The following ST18 variants were observed in gnomAD, a reference collection of about 807,000 sequenced individuals.
The protein encoded by ST18 is ST18 C2H2C-type zinc finger transcription factor, also known as suppression of tumorigenicity 18 protein.
A neutral mutation model predicts 110.0 loss-of-function variants in ST18; 50 were observed. That is an observed-to-expected ratio of 0.45 (90% CI 0.36 to 0.58). The LOEUF (loss-of-function observed/expected upper bound fraction) is 0.58, where lower values mean the gene tolerates loss of function less well. Ranked by LOEUF, ST18 falls within the 20% of genes least tolerant of loss-of-function variation. ST18 has a pLI of 0.00. For missense variants in ST18, 1,306 were observed against 1,280.1 expected (o/e 1.02, Z -0.31); for synonymous variants, 461 against 452.4 (o/e 1.02, Z -0.24).
intron 21 of ST18, 30 bp downstream of exon 21, chr8:52,133,027 T>C: frequency 6.2e-7 from 1 of 1,611,526 alleles, no homozygotes; most frequent in Non-Finnish European, 8.5e-7. Context: ...AAGAGACAGC[T>C]GACCCCCATG....
chr8:52,342,348 T>A (rs1815470921), intron 2 of ST18, among the ~76,000 whole-genome samples: 1 of 142,428 alleles, frequency 7.0e-6, no homozygotes, highest in Non-Finnish European at 1.5e-5. Flanking sequence ...GACTCTACGA[T>A]CTTATATATG....
At chr8:52,242,655 CAACAT>C (rs1194935189) in intron 2 of ST18, among the ~76,000 whole-genome samples, 2 of 152,038 alleles carry the variant, frequency 1.3e-5, no homozygotes, top group Non-Finnish European at 2.9e-5. Context: ...CCTGCCTGGC[CAACAT>C]GGCGAAAACC....
intron 25 of ST18, among the ~76,000 whole-genome samples, 173 bp downstream of exon 25, chr8:52,116,102 T>C (rs1027884552): frequency 6.6e-6 from 1 of 152,192 alleles, no homozygotes; most frequent in Non-Finnish European, 1.5e-5. Context: ...TAAATGTATC[T>C]ACCATGTTCC....
At chr8:52,354,538 G>C (rs1346909668) in intron 2 of ST18, among the ~76,000 whole-genome samples, 1 of 152,186 alleles carries the variant, frequency 6.6e-6, no homozygotes, top group Non-Finnish European at 1.5e-5. Context: ...GCTTCAGCAG[G>C]CAGGGGATAC....
chr8:52,268,447 A>G (rs1048930063), intron 2 of ST18, among the ~76,000 whole-genome samples: 2 of 151,928 alleles, frequency 1.3e-5, no homozygotes, highest in Non-Finnish European at 2.9e-5. Flanking sequence ...CTGTCTATCT[A>G]TCTATCGTCT....
intron 2 of ST18, among the ~76,000 whole-genome samples, chr8:52,371,124 G>C (rs7005615): frequency 0.037 from 5,558 of 152,232 alleles, 307 homozygotes; most frequent in African/African-American, 0.13. Flanking sequence ...ACTTGAACCT[G>C]TGCAATTCAC....
rs1291243133 is a variant in ST18 at position 52,221,678 on chromosome 8, C to T, written c.-303G>A. 6.6e-6 allele frequency: 1 copy of T among 152,178 alleles called. No individual in the cohort carries two copies. The highest frequency in any genetic ancestry group is 2.4e-5 in the African/African-American group (1 of 41,426). The allele number at this position is 152,178 out of a possible 1,614,324, so 9.4% of individuals were successfully genotyped here. ...AATTTCTACCGTCCTGCCTTCTCTACCCTTTGCAGTATATCAAAGTGCTCA... is the reference window on the plus strand; with the variant it reads ...AATTTCTACCGTCCTGCCTTCTCTATCCTTTGCAGTATATCAAAGTGCTCA... On this transcript the variant is annotated 5_prime_UTR_variant, in exon 4 of 26. Transcript: ENST00000689386.
chr8:52,374,850 A>G (rs566256682), intron 2 of ST18, among the ~76,000 whole-genome samples: 1 of 152,350 alleles, frequency 6.6e-6, no homozygotes, highest in South Asian at 2.1e-4. Context: ...ATATCCCTGC[A>G]AAGGACATGA....
intron 10 of ST18, among the ~76,000 whole-genome samples, chr8:52,167,706 G>T (rs1207690517): frequency 6.6e-6 from 1 of 152,198 alleles, no homozygotes; most frequent in African/African-American, 2.4e-5. Context: ...AAATGTTCTT[G>T]CAGGAGACTT....
chr8:52,249,227 C>G (rs56673345), intron 2 of ST18: 1 of 152,168 alleles, frequency 6.6e-6, no homozygotes, highest in Non-Finnish European at 1.5e-5. Context: ...ATCACTGAAG[C>G]GGTATTTCCA....
chr8:52,147,311 G>A (rs1563683801), intron 16 of ST18, among the ~76,000 whole-genome samples: 1 of 152,098 alleles, frequency 6.6e-6, no homozygotes, highest in African/African-American at 2.4e-5. Context: ...AGATTAAAAA[G>A]TAACATAAAA....
At chr8:52,342,974 A>G (rs891866933) in intron 2 of ST18, among the ~76,000 whole-genome samples, 4 of 152,202 alleles carry the variant, frequency 2.6e-5, no homozygotes, top group Admixed American at 1.3e-4. Flanking sequence ...GGAGAGACAT[A>G]TGGATGAGGG....
intron 15 of ST18, chr8:52,150,682 T>G (rs914990749): frequency 3.3e-5 from 5 of 152,250 alleles, no homozygotes; most frequent in Non-Finnish European, 7.3e-5. Flanking sequence ...AGCCCTATAG[T>G]GCAAACTTAA....
Position 52,286,865 on chromosome 8 carries a change from C to T in ST18, c.-464-56788G>A, listed in dbSNP as rs76232242. On this transcript the variant is annotated intron_variant, in intron 2 of 25. Coordinates refer to ENST00000689386, the MANE Select transcript of ST18 (RefSeq NM_001352837.2). ...ACAGATTCTTAAACCGCACCCCAGA[C>T]TTCCTGAATCAGAAACTCTGGGGCT... Among the ~76,000 whole-genome samples, 1,371 of 151,896 alleles carry T rather than the reference C, an allele frequency of 9.0e-3. 13 individuals are homozygous for T. Among genetic ancestry groups the T allele is most frequent in the Non-Finnish European group, 0.012 (822 of 67,982 alleles).
intron 22 of ST18, 132 bp from the exon 23 acceptor site, chr8:52,126,272 T>A: frequency 1.2e-6 from 1 of 847,746 alleles, no homozygotes; most frequent in Non-Finnish European, 1.8e-6. Flanking sequence ...AGTCTCTTTG[T>A]AGAGAGTAAT....
chr8:52,214,202 C>A lies in ST18; in HGVS notation c.55+1G>T. The A allele has an allele frequency of 3.7e-6, 6 of 1,614,096 alleles. No individual in the cohort carries two copies. Among genetic ancestry groups the A allele is most frequent in the Non-Finnish European group, 4.2e-6 (5 of 1,179,978 alleles). On this transcript the variant is annotated splice_donor_variant, in intron 7 of 25. Coordinates refer to ENST00000689386, the MANE Select transcript of ST18 (RefSeq NM_001352837.2). LOFTEE classifies it high-confidence loss of function. ...GTCATAGAACCTGCTTGCTAACTCA[C>A]CCTCGGTTCCTTTAGAGCGAGTACG... is the stretch of plus-strand genomic sequence containing the variant.
intron 2 of ST18, among the ~76,000 whole-genome samples, chr8:52,337,428 C>T (rs1812664673): frequency 6.6e-6 from 1 of 152,200 alleles, no homozygotes; most frequent in Non-Finnish European, 1.5e-5. Context: ...TATCTTTCCA[C>T]CCTGGACGAG....
intron 12 of ST18, among the ~76,000 whole-genome samples, chr8:52,164,669 T>C (rs2062383646): frequency 6.6e-6 from 1 of 152,256 alleles, no homozygotes; most frequent in Admixed American, 6.5e-5. Flanking sequence ...ATGTATGTCT[T>C]ATGCTAGTTG....
At chr8:52,145,340 T>G (rs1210685622) in intron 16 of ST18, among the ~76,000 whole-genome samples, 3 of 152,218 alleles carry the variant, frequency 2.0e-5, no homozygotes, top group Non-Finnish European at 4.4e-5. Context: ...TATGTGGTAA[T>G]GTTTCAACAG....
Sources: gnomAD v4.1 joint callset for allele counts (sites outside exome capture counted in the v4.1 genomes callset) on GRCh38, gnomAD v4.1.1 for gene constraint, MANE v1.5 for transcripts, NCBI Gene and HGNC (gene_info 2026-07-23, HGNC 2026-07-21) for gene names.